MARCHF1: variants seen among roughly 807,000 people sequenced by gnomAD.
The protein encoded by MARCHF1 is E3 ubiquitin-protein ligase MARCHF1.
A neutral mutation model predicts 54.2 loss-of-function variants in MARCHF1; 40 were observed. The observed-to-expected ratio is 0.74, with a 90% CI of 0.57 to 0.96. The LOEUF (loss-of-function observed/expected upper bound fraction) is 0.96, where lower values mean the gene tolerates loss of function less well. MARCHF1 is among the 40% of genes least tolerant of loss of function. The probability of loss-of-function intolerance (pLI) is 0.00; values close to 1 mark genes in which losing one functional copy is unlikely to be tolerated. For missense variants in MARCHF1, 586 were observed against 656.5 expected (o/e 0.89, Z 1.17); for synonymous variants, 236 against 236.3 (o/e 1.00, Z 0.01).
At chr4:163,785,505 G>C (rs1301162109) in intron 4 of MARCHF1, among the ~76,000 whole-genome samples, 1 of 151,816 alleles carries the variant, frequency 6.6e-6, no homozygotes, top group Non-Finnish European at 1.5e-5. Context: ...ACAAAATCAA[G>C]ACAATGACTT....
chr4:163,893,889 G>A (rs1750719060), intron 3 of MARCHF1, among the ~76,000 whole-genome samples: 1 of 152,124 alleles, frequency 6.6e-6, no homozygotes, highest in Non-Finnish European at 1.5e-5. Context: ...CATCAAAGAA[G>A]TGCTCACAGG....
chr4:163,782,669 CAAAAAAAA>C (rs779917586), intron 4 of MARCHF1, among the ~76,000 whole-genome samples: 7 of 108,414 alleles, frequency 6.5e-5, no homozygotes, highest in Non-Finnish European at 1.2e-4. Context: ...ACTCCATCTC[CAAAAAAAA>C]AAAAAAAAAA....
At chr4:163,778,957 T>C (rs915459467) in intron 4 of MARCHF1, among the ~76,000 whole-genome samples, 5 of 152,194 alleles carry the variant, frequency 3.3e-5, no homozygotes, top group Non-Finnish European at 7.3e-5. Context: ...AACGAAATTA[T>C]GCTTGTACCC....
intron 1 of MARCHF1, among the ~76,000 whole-genome samples, chr4:164,278,511 A>C (rs766522822): frequency 3.3e-5 from 5 of 152,214 alleles, no homozygotes; most frequent in Non-Finnish European, 5.9e-5. Flanking sequence ...AGTAATTTCT[A>C]AGTTAAATGG....
chr4:164,073,047 A>G (rs1754902957), intron 2 of MARCHF1, among the ~76,000 whole-genome samples: 1 of 152,222 alleles, frequency 6.6e-6, no homozygotes, highest in African/African-American at 2.4e-5. Context: ...CATAGTCAGA[A>G]GGAGAGAAGA....
At chr4:163,781,018 TGACTGTTGGAA>T (rs1747449383) in intron 4 of MARCHF1, among the ~76,000 whole-genome samples, 1 of 152,076 alleles carries the variant, frequency 6.6e-6, no homozygotes, top group Non-Finnish European at 1.5e-5. Context: ...ATGTAAGTCT[TGACTGTTGGAA>T]GACACAAGGA....
At chr4:163,941,858 T>G (rs968898184) in intron 3 of MARCHF1, among the ~76,000 whole-genome samples, 2 of 152,188 alleles carry the variant, frequency 1.3e-5, no homozygotes, top group Admixed American at 6.5e-5. Flanking sequence ...CTATTTAAAT[T>G]TATGTGTCAA....
At chr4:163,768,768 T>C (rs547755699) in intron 4 of MARCHF1, among the ~76,000 whole-genome samples, 5 of 152,332 alleles carry the variant, frequency 3.3e-5, no homozygotes, top group African/African-American at 4.8e-5. Flanking sequence ...GAAGACCAAA[T>C]TGAATCTCAT....
intron 1 of MARCHF1, among the ~76,000 whole-genome samples, chr4:164,155,465 T>A (rs1315919865): frequency 6.6e-6 from 1 of 152,214 alleles, no homozygotes; most frequent in African/African-American, 2.4e-5. Context: ...TTTCCTGAGT[T>A]CAAAGAAAGA....
At chr4:164,175,214 C>T (rs1344647771) in intron 1 of MARCHF1, among the ~76,000 whole-genome samples, 2 of 152,078 alleles carry the variant, frequency 1.3e-5, no homozygotes, top group Admixed American at 1.3e-4. Flanking sequence ...AATTAATTCA[C>T]TGCAATTATG....
intron 3 of MARCHF1, among the ~76,000 whole-genome samples, chr4:163,967,101 C>T (rs932700003): frequency 1.3e-5 from 2 of 151,970 alleles, no homozygotes; most frequent in Non-Finnish European, 2.9e-5. Flanking sequence ...ATACAAGGAC[C>T]CTAGAGAGAC....
At chr4:164,296,974 T>C (rs751205410) in intron 1 of MARCHF1, among the ~76,000 whole-genome samples, 5 of 152,218 alleles carry the variant, frequency 3.3e-5, no homozygotes, top group Non-Finnish European at 7.3e-5. Context: ...CAGACTTGGA[T>C]TCATGCCCTT....
At chr4:164,340,414 G>GAT (rs70952623) in intron 1 of MARCHF1, among the ~76,000 whole-genome samples, 2,742 of 93,310 alleles carry the variant, frequency 0.029, 188 homozygotes, top group African/African-American at 0.059. Flanking sequence ...TTTATATATA[G>GAT]ATATATATAT....
At chr4:164,075,549 A>G (rs746834856) in intron 2 of MARCHF1, among the ~76,000 whole-genome samples, 5 of 152,186 alleles carry the variant, frequency 3.3e-5, no homozygotes, top group Non-Finnish European at 5.9e-5. Flanking sequence ...CATCAGACAC[A>G]TGTGCAATAT....
chr4:163,974,207 T>G (rs1752605329), intron 3 of MARCHF1, among the ~76,000 whole-genome samples: 1 of 152,200 alleles, frequency 6.6e-6, no homozygotes, highest in African/African-American at 2.4e-5. Context: ...TTGTAACTGT[T>G]TCAATCAATA....
intron 3 of MARCHF1, among the ~76,000 whole-genome samples, chr4:163,950,701 T>C (rs1752118411): frequency 6.6e-6 from 1 of 152,238 alleles, no homozygotes; most frequent in Admixed American, 6.5e-5. Context: ...GATAGGCTAC[T>C]ACCTGTGATA....
chr4:164,197,103 G>T (rs537870223), intron 1 of MARCHF1: 2 of 1,604,676 alleles, frequency 1.2e-6, no homozygotes, highest in South Asian at 1.1e-5. Flanking sequence ...CATCCTCCTC[G>T]TCCCCTCCAC....
chr4:164,087,838 T>C (rs2111126025), intron 2 of MARCHF1, among the ~76,000 whole-genome samples: 1 of 152,172 alleles, frequency 6.6e-6, no homozygotes, highest in South Asian at 2.1e-4. Flanking sequence ...CATAGCATTT[T>C]TCTGTGCATT....
In MARCHF1 at chr4:163,609,020, T is replaced by C. The variant is rs144822552; in HGVS notation, c.1010+3251A>G. Among the ~76,000 whole-genome samples, 168 of 152,238 alleles carry C rather than the reference T, an allele frequency of 1.1e-3. 2 individuals carry two copies. Among genetic ancestry groups the C allele is most frequent in the African/African-American group, 3.9e-3 (161 of 41,570 alleles). On this transcript the variant is annotated intron_variant, in intron 7 of 9. Transcript: ENST00000514618. ...CTTGAGAATAATTCCAAAATCTCTA[T>C]GTCCTTCCTGACCTTGAATAGATTT... is the stretch of plus-strand genomic sequence containing the variant.
Sources: gnomAD v4.1 joint callset for allele counts (sites outside exome capture counted in the v4.1 genomes callset) on GRCh38, gnomAD v4.1.1 for gene constraint, MANE v1.5 for transcripts, NCBI Gene and HGNC (gene_info 2026-07-23, HGNC 2026-07-21) for gene names.